Variants in BTBD9 observed in about 807,000 individuals in gnomAD.
BTBD9 encodes BTB/POZ domain-containing protein 9.
In BTBD9, 49 loss-of-function variants were observed where a neutral mutation model predicts 64.3. The observed-to-expected ratio is 0.76, with a 90% CI of 0.61 to 0.97. The LOEUF (loss-of-function observed/expected upper bound fraction) is 0.97, where lower values mean the gene tolerates loss of function less well. Among genes scored for constraint, BTBD9 ranks in the 50% least tolerant of loss-of-function variants. The pLI, the probability that BTBD9 is intolerant of heterozygous loss-of-function variation, is 0.00. For missense variants in BTBD9, 598 were observed against 762.1 expected (o/e 0.78, Z 2.53); for synonymous variants, 260 against 274.7 (o/e 0.95, Z 0.53).
At chr6:38,629,600 G>C (rs560479194) in intron 1 of BTBD9, among the ~76,000 whole-genome samples, 6 of 152,040 alleles carry the variant, frequency 3.9e-5, no homozygotes, top group Non-Finnish European at 7.4e-5. Context: ...GAGGCAGGAG[G>C]ATCACGAGGT....
intron 6 of BTBD9, among the ~76,000 whole-genome samples, chr6:38,537,684 T>C (rs181048644): frequency 7.9e-4 from 121 of 152,326 alleles, no homozygotes; most frequent in Non-Finnish European, 1.5e-3. Flanking sequence ...AGATAAAAGA[T>C]TGGGTGGAAG....
At chr6:38,294,488 T>G (rs1762087383) in intron 7 of BTBD9, among the ~76,000 whole-genome samples, 1 of 152,150 alleles carries the variant, frequency 6.6e-6, no homozygotes, top group African/African-American at 2.4e-5. Flanking sequence ...AAGGATGAGT[T>G]CATGTCCTTT....
chr6:38,475,480 G>C (rs1231658862), intron 6 of BTBD9, among the ~76,000 whole-genome samples: 1 of 152,178 alleles, frequency 6.6e-6, no homozygotes, highest in Admixed American at 6.5e-5. Context: ...GCTTCCCTCA[G>C]CATCTCAAAG....
chr6:38,281,891 A>C (rs1254161125), intron 8 of BTBD9, among the ~76,000 whole-genome samples: 1 of 152,162 alleles, frequency 6.6e-6, no homozygotes, highest in Non-Finnish European at 1.5e-5. Flanking sequence ...CGTTCAAACC[A>C]ATGTAAAAAT....
At chr6:38,491,693 TA>T (rs939017233) in intron 6 of BTBD9, among the ~76,000 whole-genome samples, 13 of 149,950 alleles carry the variant, frequency 8.7e-5, no homozygotes, top group African/African-American at 1.7e-4. Flanking sequence ...ATACATTCTT[TA>T]AAAAAAAAAT....
chr6:38,406,506 G>A (rs1445226394), intron 6 of BTBD9, among the ~76,000 whole-genome samples: 1 of 152,128 alleles, frequency 6.6e-6, no homozygotes, highest in Non-Finnish European at 1.5e-5. Context: ...TTCATTTACA[G>A]TAAGGAGTTG....
In BTBD9 at chr6:38,335,254, ATT is replaced by A. The variant is rs200450470; in HGVS notation, c.1264+9728_1264+9729del. On this transcript the variant is annotated intron_variant, in intron 7 of 10. Coordinates refer to ENST00000481247, the MANE Select transcript of BTBD9 (RefSeq NM_001099272.2). Reference sequence around the variant, plus strand: ...TTCTTTTATTTTATTTTAATTTTAAATTTTTTTTTTTTTTTTGAGACAGAGTC... The same window carrying A: ...TTCTTTTATTTTATTTTAATTTTAAATTTTTTTTTTTTTTGAGACAGAGTC... Among the ~76,000 whole-genome samples, 936 of 140,928 alleles carry A rather than the reference ATT, an allele frequency of 6.6e-3. 9 individuals carry two copies. The highest frequency in any genetic ancestry group is 0.019 in the African/African-American group (724 of 38,840). The allele number at this position is 140,928 out of a possible 152,430, so 92.5% of individuals were successfully genotyped here. A position where few individuals can be genotyped will look rare whatever the true frequency, so the allele number is the denominator to read the frequency against.
chr6:38,500,237 G>T (rs545217708), intron 6 of BTBD9, among the ~76,000 whole-genome samples: 1 of 151,738 alleles, frequency 6.6e-6, no homozygotes, highest in Admixed American at 6.6e-5. Context: ...GGGGATGGAG[G>T]GGGGAGGAAA....
chr6:38,450,515 A>G (rs888798822), intron 6 of BTBD9, among the ~76,000 whole-genome samples: 2 of 152,204 alleles, frequency 1.3e-5, no homozygotes, highest in Non-Finnish European at 2.9e-5. Context: ...CATGTTGTAC[A>G]TGATAAATAC....
In BTBD9 at chr6:38,436,059, A is replaced by G. The variant is rs540384871; in HGVS notation, c.1155-90966T>C. ...GTTAACAATTTGGAGCAAAATCATGAAATGTCATAAATTCCTTAAGTATCC... is the reference window on the plus strand; with the variant it reads ...GTTAACAATTTGGAGCAAAATCATGGAATGTCATAAATTCCTTAAGTATCC... On this transcript the variant is annotated intron_variant, in intron 6 of 10. Coordinates refer to ENST00000481247, the MANE Select transcript of BTBD9 (RefSeq NM_001099272.2). Among the ~76,000 whole-genome samples, 3 of 152,100 alleles carry G rather than the reference A, an allele frequency of 2.0e-5. No individual in the cohort carries two copies. In the South Asian group the frequency reaches 6.2e-4, roughly 32 times the overall value.
chr6:38,325,214 C>T (rs191263894), intron 7 of BTBD9, among the ~76,000 whole-genome samples: 260 of 151,306 alleles, frequency 1.7e-3, no homozygotes, highest in Non-Finnish European at 2.6e-3. Flanking sequence ...ATAGATTTTA[C>T]AAGAATAGGA....
At chr6:38,450,828 T>G (rs1562204495) in intron 6 of BTBD9, among the ~76,000 whole-genome samples, 1 of 152,208 alleles carries the variant, frequency 6.6e-6, no homozygotes, top group Non-Finnish European at 1.5e-5. Flanking sequence ...TGAATGTGCA[T>G]TCTAACAAGG....
At chr6:38,400,147 C>T (rs1387843724) in intron 6 of BTBD9, among the ~76,000 whole-genome samples, 2 of 152,120 alleles carry the variant, frequency 1.3e-5, no homozygotes, top group African/African-American at 4.8e-5. Context: ...CTGACCCCAT[C>T]GGGTCCTGTT....
At position 38,301,037 on chromosome 6, in the gene BTBD9, G is replaced by A. The variant is rs531222037; in HGVS notation, c.1265-12576C>T. Among the ~76,000 whole-genome samples, 998 of 152,056 alleles carry A rather than the reference G, an allele frequency of 6.6e-3. 11 individuals are homozygous for A. Among genetic ancestry groups the A allele is most frequent in the African/African-American group, 0.02 (809 of 41,442 alleles). On this transcript the variant is annotated intron_variant, in intron 7 of 10. Coordinates refer to ENST00000481247, the MANE Select transcript of BTBD9 (RefSeq NM_001099272.2). ...TTATTATTTTGAGATACGTCCCATC[G>A]ATACCTAATTTATTGAGAGTTTTTA...
At chr6:38,524,731 T>G (rs1362225100) in intron 6 of BTBD9, among the ~76,000 whole-genome samples, 1 of 152,204 alleles carries the variant, frequency 6.6e-6, no homozygotes, top group African/African-American at 2.4e-5. Context: ...AGTCACTTCT[T>G]GAAGCCACCC....
intron 6 of BTBD9, among the ~76,000 whole-genome samples, chr6:38,519,828 A>ACCTAAGCTAGATCAAGGTGAGTT (rs1323099186): frequency 1.3e-5 from 2 of 152,180 alleles, no homozygotes; most frequent in Non-Finnish European, 2.9e-5. Context: ...TCTGGTTTGC[A>ACCTAAGCTAGATCAAGGTGAGTT]CCTAAGCTAG....
chr6:38,231,627 T>C (rs539318810), intron 9 of BTBD9, among the ~76,000 whole-genome samples: 1 of 152,302 alleles, frequency 6.6e-6, no homozygotes, highest in South Asian at 2.1e-4. Flanking sequence ...GTTGACCTAG[T>C]AGTCAACACA....
intron 6 of BTBD9, among the ~76,000 whole-genome samples, chr6:38,395,103 G>A (rs1390839349): frequency 5.9e-5 from 9 of 152,128 alleles, no homozygotes. Context: ...TCATGAGTGA[G>A]GAGCCCTCAT....
chr6:38,545,853 C>T (rs7751277), intron 6 of BTBD9, among the ~76,000 whole-genome samples: 14 of 97,556 alleles, frequency 1.4e-4, no homozygotes, highest in East Asian at 1.2e-3. Flanking sequence ...CACACACACA[C>T]ATACACACAC....
Sources: gnomAD v4.1 joint callset for allele counts (sites outside exome capture counted in the v4.1 genomes callset) on GRCh38, gnomAD v4.1.1 for gene constraint, MANE v1.5 for transcripts, NCBI Gene and HGNC (gene_info 2026-07-23, HGNC 2026-07-21) for gene names.